SHB: variants seen among roughly 807,000 people sequenced by gnomAD.
The protein encoded by SHB is SH2 domain-containing adapter protein B.
In SHB, 20 loss-of-function variants were observed where a neutral mutation model predicts 52.3. The observed-to-expected ratio is 0.38, with a 90% CI of 0.27 to 0.56. The LOEUF is 0.56. Among genes scored for constraint, SHB ranks in the 20% least tolerant of loss-of-function variants. SHB has a pLI of 0.71. For synonymous variants in SHB, 397 were observed against 316.5 expected (o/e 1.25, Z -2.70); for missense variants, 825 against 723.3 (o/e 1.14, Z -1.61).
At chr9:38,018,746 C>CT (rs755483938) in intron 1 of SHB, among the ~76,000 whole-genome samples, 3 of 152,178 alleles carry the variant, frequency 2.0e-5, no homozygotes, top group Non-Finnish European at 4.4e-5. Flanking sequence ...GTTGAGCAGG[C>CT]AGTCAACCAG....
chr9:37,941,963 T>C lies in SHB; in HGVS notation c.1346+6672A>G, dbSNP rs1047678954. On this transcript the variant is annotated intron_variant, in intron 5 of 5. Coordinates refer to ENST00000377707, the MANE Select transcript of SHB (RefSeq NM_003028.3). Reference sequence around the variant, plus strand: ...CCACTCCCACTGGCCCCTAAACCTTTATTATTTCTTTCTCCTAGCTGTCAG... The same window carrying C: ...CCACTCCCACTGGCCCCTAAACCTTCATTATTTCTTTCTCCTAGCTGTCAG... Among the ~76,000 whole-genome samples the C allele has an allele frequency of 2.6e-5, 4 of 152,336 alleles. No individual in the cohort carries two copies. The East Asian group carries it at 7.7e-4, about 29-fold the overall frequency.
intron 4 of SHB, among the ~76,000 whole-genome samples, chr9:37,950,758 G>A (rs1832557043): frequency 6.6e-6 from 1 of 152,188 alleles, no homozygotes; most frequent in Admixed American, 6.5e-5. Flanking sequence ...AAGTGGCCCC[G>A]CAGGAAGGGC....
At chr9:37,983,548 T>TA (rs757844594) in intron 2 of SHB, among the ~76,000 whole-genome samples, 1 of 152,154 alleles carries the variant, frequency 6.6e-6, no homozygotes, top group African/African-American at 2.4e-5. Flanking sequence ...CTGGAAATGA[T>TA]AGACGCTGGC....
At chr9:37,969,632 C>A (rs369733037) in intron 3 of SHB, among the ~76,000 whole-genome samples, 1 of 152,180 alleles carries the variant, frequency 6.6e-6, no homozygotes, top group African/African-American at 2.4e-5. Context: ...CCACCTCCAC[C>A]GAGGTCTGCT....
chr9:38,065,598 G>C (rs7027320), intron 1 of SHB, among the ~76,000 whole-genome samples: 13,346 of 152,174 alleles, frequency 0.088, 1,883 homozygotes, highest in African/African-American at 0.3. Context: ...GTCCTGCTGA[G>C]CCTCCCTGGC....
At chr9:38,056,765 T>G (rs1821826691) in intron 1 of SHB, among the ~76,000 whole-genome samples, 1 of 152,238 alleles carries the variant, frequency 6.6e-6, no homozygotes, top group Non-Finnish European at 1.5e-5. Flanking sequence ...TTAAAAAATG[T>G]TCTGCAACCC....
At chr9:37,938,254 G>A (rs531531581) in intron 5 of SHB, among the ~76,000 whole-genome samples, 3 of 152,254 alleles carry the variant, frequency 2.0e-5, no homozygotes, top group Non-Finnish European at 4.4e-5. Context: ...GTGACCTCCT[G>A]GCTGGTAGGA....
At chr9:37,953,179 G>A (rs1832586699) in intron 4 of SHB, among the ~76,000 whole-genome samples, 1 of 152,096 alleles carries the variant, frequency 6.6e-6, no homozygotes, top group African/African-American at 2.4e-5. Flanking sequence ...GTCGTCTGGG[G>A]ACCGGGGCAG....
chr9:37,974,879 G>A (rs986987156), intron 2 of SHB, 42 bp from the exon 3 acceptor site: 4 of 1,506,824 alleles, frequency 2.7e-6, no homozygotes, highest in African/African-American at 1.4e-5. Context: ...AATGGATACT[G>A]CACTTCCTCA....
At chr9:37,924,348 C>G (rs532396346) in intron 5 of SHB, among the ~76,000 whole-genome samples, 1 of 152,198 alleles carries the variant, frequency 6.6e-6, no homozygotes, top group Non-Finnish European at 1.5e-5. Flanking sequence ...GAGCAGGGTG[C>G]GAGGCCTCAC....
intron 1 of SHB, among the ~76,000 whole-genome samples, chr9:38,032,862 A>G (rs1821433927): frequency 6.6e-6 from 1 of 152,228 alleles, no homozygotes; most frequent in Non-Finnish European, 1.5e-5. Flanking sequence ...ACATGGAAGC[A>G]TACCCGTGCC....
intron 4 of SHB, among the ~76,000 whole-genome samples, chr9:37,949,209 A>C (rs910982720): frequency 2.0e-5 from 3 of 152,098 alleles, no homozygotes; most frequent in African/African-American, 7.2e-5. Context: ...CCTGGCCAAC[A>C]TGGCGAAACC....
At chr9:38,059,745 C>T (rs911677528) in intron 1 of SHB, among the ~76,000 whole-genome samples, 3 of 152,154 alleles carry the variant, frequency 2.0e-5, no homozygotes, top group African/African-American at 7.2e-5. Context: ...CACACCACCC[C>T]GGCACAAAGG....
chr9:37,976,776 G>A (rs892170895), intron 2 of SHB, among the ~76,000 whole-genome samples: 6 of 152,166 alleles, frequency 3.9e-5, no homozygotes, highest in Non-Finnish European at 8.8e-5. Context: ...GCTCTCTTGA[G>A]GTCTTCCCGA....
chr9:37,923,257 A>G (rs2118455702), intron 5 of SHB, among the ~76,000 whole-genome samples: 1 of 152,310 alleles, frequency 6.6e-6, no homozygotes, highest in South Asian at 2.1e-4. Context: ...CTCTGAGCAA[A>G]CATCCCCTCC....
At chr9:38,066,994 C>T (rs536675262) in intron 1 of SHB, among the ~76,000 whole-genome samples, 49 of 152,246 alleles carry the variant, frequency 3.2e-4, no homozygotes, top group Middle Eastern at 3.4e-3. Context: ...TGCCTTCCAC[C>T]AGAAGACAGA....
Position 38,068,573 on chromosome 9 carries a change from G to A in SHB, c.73C>T (p.Pro25Ser). Reference protein sequence around the residue: ...KTKSPPQPPRPDYREQRRRGE... With the variant: ...KTKSPPQPPRSDYREQRRRGE... The stretch of plus-strand genomic sequence containing the variant: ...CGGCGCCGCTGCTCGCGGTAGTCTG[G>A]CCGCGGCGGCTGCGGGGGGCTCTTG... Residue 25 changes from proline to serine, a missense_variant, in exon 1 of 6, where the codon CCA becomes TCA. Pro to Ser is a moderately conservative substitution (Grantham distance 74). Coordinates refer to ENST00000377707, the MANE Select transcript of SHB (RefSeq NM_003028.3). The A allele has an allele frequency of 6.7e-7, 1 of 1,486,876 alleles. No homozygotes were observed. The highest frequency in any genetic ancestry group is 8.9e-7 in the Non-Finnish European group (1 of 1,129,802). The allele number at this position is 1,486,876 out of a possible 1,614,324, so 92.1% of individuals were successfully genotyped here. A position where few individuals can be genotyped will look rare whatever the true frequency, so the allele number is the denominator to read the frequency against.
intron 2 of SHB, among the ~76,000 whole-genome samples, chr9:38,013,183 G>A (rs1821164590): frequency 6.6e-6 from 1 of 152,198 alleles, no homozygotes; most frequent in Non-Finnish European, 1.5e-5. Flanking sequence ...GCCAAGCTAG[G>A]ATGCAAACAC....
rs558183661 is a variant in SHB at position 38,062,116 on chromosome 9, G to A, written c.717+5813C>T. 3.3e-5 allele frequency among the ~76,000 whole-genome samples: 5 copies of A among 152,242 alleles called. No individual in the cohort carries two copies. In the South Asian group the frequency reaches 1.0e-3, roughly 32 times the overall value. The stretch of plus-strand genomic sequence containing the variant: ...GAGTAGCATTAAGTAAAGGGGAGGA[G>A]GAGACATGTAACATATATTCCAGTA... On this transcript the variant is annotated intron_variant, in intron 1 of 5. Transcript: ENST00000377707.
Sources: gnomAD v4.1 joint callset for allele counts (sites outside exome capture counted in the v4.1 genomes callset) on GRCh38, gnomAD v4.1.1 for gene constraint, MANE v1.5 for transcripts, NCBI Gene and HGNC (gene_info 2026-07-23, HGNC 2026-07-21) for gene names.